FGGY: variants seen among roughly 807,000 people sequenced by gnomAD.
The protein encoded by FGGY is FGGY carbohydrate kinase domain containing, also known as FGGY carbohydrate kinase domain-containing protein.
Under a neutral mutation model 71.3 loss-of-function variants are expected in FGGY, and 72 were observed. The observed-to-expected ratio is 1.01, with a 90% CI of 0.84 to 1.23. The LOEUF (loss-of-function observed/expected upper bound fraction) is 1.23. Ranked by LOEUF, FGGY falls within the 50% of genes most tolerant of loss-of-function variation. The probability of loss-of-function intolerance (pLI) is 0.00; values close to 1 mark genes in which losing one functional copy is unlikely to be tolerated. For missense variants in FGGY, 668 were observed against 682.3 expected (o/e 0.98, Z 0.23); for synonymous variants, 251 against 250.3 (o/e 1.00, Z -0.02).
chr1:59,690,448 T>G (rs1220821784), intron 14 of FGGY, among the ~76,000 whole-genome samples: 2 of 152,206 alleles, frequency 1.3e-5, no homozygotes, highest in Non-Finnish European at 2.9e-5. Flanking sequence ...TCTGACTCTG[T>G]GGTCTGTTCA....
chr1:59,381,628 C>CGTGTGTGTGTGTGT (rs113981398), intron 5 of FGGY, among the ~76,000 whole-genome samples: 5 of 143,204 alleles, frequency 3.5e-5, no homozygotes, highest in East Asian at 2.0e-4. Flanking sequence ...ATGTATAACT[C>CGTGTGTGTGTGTGT]GTGTGTGTGT....
chr1:59,305,231 C>T (rs2043278393), intron 1 of FGGY, among the ~76,000 whole-genome samples: 1 of 152,042 alleles, frequency 6.6e-6, no homozygotes, highest in African/African-American at 2.4e-5. Context: ...AGGTGGATTC[C>T]TTCTATATCT....
chr1:59,623,819 G>A (rs1357172303), intron 9 of FGGY, among the ~76,000 whole-genome samples: 2 of 152,106 alleles, frequency 1.3e-5, no homozygotes, highest in African/African-American at 4.8e-5. Flanking sequence ...CACAGTTCCT[G>A]GAGGCACATT....
chr1:59,596,221 T>A (rs4424537), intron 8 of FGGY, among the ~76,000 whole-genome samples: 2 of 151,904 alleles, frequency 1.3e-5, no homozygotes, highest in Non-Finnish European at 2.9e-5. Context: ...TGAGGCTCAC[T>A]TAACATTTTT....
chr1:59,489,925 A>G (rs193198143), intron 6 of FGGY, among the ~76,000 whole-genome samples: 247 of 152,252 alleles, frequency 1.6e-3, no homozygotes, highest in Non-Finnish European at 2.9e-3. Context: ...GGATAAGATG[A>G]TATCTCATTA....
intron 7 of FGGY, among the ~76,000 whole-genome samples, chr1:59,516,300 T>G (rs1480427373): frequency 6.6e-6 from 1 of 152,200 alleles, no homozygotes; most frequent in Non-Finnish European, 1.5e-5. Context: ...CTAAATATAA[T>G]TGAGTGAATG....
chr1:59,558,995 A>G (rs1177369085), intron 8 of FGGY, among the ~76,000 whole-genome samples: 2 of 152,174 alleles, frequency 1.3e-5, no homozygotes, highest in African/African-American at 4.8e-5. Flanking sequence ...GTCAGACCTT[A>G]TGGTTGTCTT....
chr1:59,471,883 G>T (rs1052442201), intron 6 of FGGY, among the ~76,000 whole-genome samples: 85 of 152,242 alleles, frequency 5.6e-4, no homozygotes, highest in Non-Finnish European at 1.2e-4. Context: ...ACTGGCACTG[G>T]TGGTGGTATC....
At chr1:59,634,182 G>A (rs942057919) in intron 10 of FGGY, among the ~76,000 whole-genome samples, 5 of 152,010 alleles carry the variant, frequency 3.3e-5, no homozygotes, top group Non-Finnish European at 5.9e-5. Flanking sequence ...TGAGACGGGC[G>A]GATCACGAGG....
At chr1:59,543,274 C>T (rs2095472394) in intron 7 of FGGY, among the ~76,000 whole-genome samples, 1 of 152,192 alleles carries the variant, frequency 6.6e-6, no homozygotes, top group East Asian at 1.9e-4. Context: ...ACTTAATTCT[C>T]TGAGCCCTCT....
chr1:59,599,711 A>G (rs528955365), intron 8 of FGGY, among the ~76,000 whole-genome samples: 5 of 150,868 alleles, frequency 3.3e-5, no homozygotes, highest in African/African-American at 9.7e-5. Flanking sequence ...AAAAAAAGGA[A>G]TATGTATAAG....
chr1:59,490,541 A>T (rs181798308), intron 6 of FGGY, among the ~76,000 whole-genome samples: 48 of 151,964 alleles, frequency 3.2e-4, no homozygotes, highest in Admixed American at 2.7e-3. Context: ...CTTTTTAAAA[A>T]TTTTTTCTTT....
chr1:59,708,523 A>G (rs568523397), intron 14 of FGGY, among the ~76,000 whole-genome samples: 1 of 152,338 alleles, frequency 6.6e-6, no homozygotes, highest in Non-Finnish European at 1.5e-5. Flanking sequence ...CAGGTGAGAA[A>G]GAGGAAAGGG....
At chr1:59,390,850 A>T (rs1174114890) in intron 5 of FGGY, among the ~76,000 whole-genome samples, 1 of 152,178 alleles carries the variant, frequency 6.6e-6, no homozygotes, top group Non-Finnish European at 1.5e-5. Context: ...GATAGTATAT[A>T]ATCTGAGCAA....
At chr1:59,746,793 T>C (rs2098202016) in intron 14 of FGGY, among the ~76,000 whole-genome samples, 1 of 152,202 alleles carries the variant, frequency 6.6e-6, no homozygotes, top group Non-Finnish European at 1.5e-5. Context: ...GCATCCAGCC[T>C]AAAATTTCCA....
At chr1:59,635,754 C>T (rs527506449) in intron 10 of FGGY, among the ~76,000 whole-genome samples, 14 of 152,294 alleles carry the variant, frequency 9.2e-5, no homozygotes, top group South Asian at 8.3e-4. Flanking sequence ...TTCGCTGATA[C>T]GTTGTTCTGG....
intron 6 of FGGY, among the ~76,000 whole-genome samples, chr1:59,492,141 T>C (rs551458990): frequency 6.6e-6 from 1 of 152,312 alleles, no homozygotes; most frequent in South Asian, 2.1e-4. Context: ...TATGTACTTA[T>C]TGTCTGGTAC....
At chr1:59,610,110 G>A (rs905598327) in intron 9 of FGGY, among the ~76,000 whole-genome samples, 4 of 152,216 alleles carry the variant, frequency 2.6e-5, no homozygotes, top group Non-Finnish European at 5.9e-5. Context: ...TACAAGTGCA[G>A]AACCTGCAGG....
At chr1:59,656,831 C>A (rs994604692) in intron 11 of FGGY, among the ~76,000 whole-genome samples, 1 of 152,174 alleles carries the variant, frequency 6.6e-6, no homozygotes, top group Non-Finnish European at 1.5e-5. Flanking sequence ...AAAGCTATTT[C>A]ACCCTCATGT....
Sources: gnomAD v4.1 joint callset for allele counts (sites outside exome capture counted in the v4.1 genomes callset) on GRCh38, gnomAD v4.1.1 for gene constraint, MANE v1.5 for transcripts, NCBI Gene and HGNC (gene_info 2026-07-23, HGNC 2026-07-21) for gene names.